XKR9: variants seen among roughly 807,000 people sequenced by gnomAD.
The protein encoded by XKR9 is XK-related protein 9.
XKR9 carries 32 observed loss-of-function variants against 32.0 expected under a neutral mutation model. The ratio of observed to expected loss-of-function variants is 1.00; its 90% confidence interval spans 0.76 to 1.34. The LOEUF is 1.34. Among genes scored for constraint, XKR9 ranks in the 40% most tolerant of loss-of-function variants. The pLI is 0.00. For synonymous variants in XKR9, 168 were observed against 143.4 expected, an observed-to-expected ratio of 1.17 and a Z score of -1.22; for missense variants, 546 against 429.7, an observed-to-expected ratio of 1.27 and a Z score of -2.39.
At chr8:70,900,727 T>G in the XKR9 span, among the ~76,000 whole-genome samples, 1 of 152,212 alleles carries the variant, frequency 6.6e-6, no homozygotes, top group South Asian at 2.1e-4. Context: ...TTGTTACATA[T>G]GTACACATGT....
the XKR9 span, among the ~76,000 whole-genome samples, chr8:70,940,846 C>T: frequency 6.6e-6 from 1 of 152,108 alleles, no homozygotes; most frequent in Non-Finnish European, 1.5e-5. Flanking sequence ...ACTTGCCTTT[C>T]AGGTCTTGGC....
rs1008161588 is a variant in XKR9 at position 70,735,830 on chromosome 8, A to C, written c.*1406A>C. The C allele has an allele frequency of 5.8e-3, 885 of 152,034 alleles. 11 individuals are homozygous for C. Among genetic ancestry groups the C allele is most frequent in the African/African-American group, 0.02 (845 of 41,444 alleles). 9.4% of individuals were successfully genotyped at this position (152,034 alleles called of 1,614,324 possible). On this transcript the variant is annotated 3_prime_UTR_variant, in exon 5 of 5. Transcript: ENST00000408926. ...ATGGCTGCATAGTATTCCATGGTGTATATGTGCCACATTTTCTTAATCCAG... is the reference window on the plus strand; with the variant it reads ...ATGGCTGCATAGTATTCCATGGTGTCTATGTGCCACATTTTCTTAATCCAG...
chr8:70,698,746 C>G (rs1341384552), intron 3 of XKR9, among the ~76,000 whole-genome samples: 5 of 152,112 alleles, frequency 3.3e-5, no homozygotes, highest in Non-Finnish European at 5.9e-5. Flanking sequence ...TCCTCGTTAA[C>G]TTTCTGTCTT....
the XKR9 span, among the ~76,000 whole-genome samples, chr8:71,030,566 T>C: frequency 6.6e-6 from 1 of 152,178 alleles, no homozygotes; most frequent in African/African-American, 2.4e-5. Flanking sequence ...GTTTGGATTC[T>C]CAGATTCTAA....
chr8:70,825,251 A>C, the XKR9 span, among the ~76,000 whole-genome samples: 1 of 152,012 alleles, frequency 6.6e-6, no homozygotes, highest in East Asian at 1.9e-4. Flanking sequence ...GATTCTTTCC[A>C]CTGGAGTTTT....
chr8:70,814,186 C>G, the XKR9 span, among the ~76,000 whole-genome samples: 22 of 151,958 alleles, frequency 1.4e-4, no homozygotes, highest in Non-Finnish European at 2.6e-4. Flanking sequence ...AGCAAACTAT[C>G]GCAAGGACAA....
the XKR9 span, among the ~76,000 whole-genome samples, chr8:70,870,262 C>T: frequency 6.6e-6 from 1 of 152,124 alleles, no homozygotes; most frequent in African/African-American, 2.4e-5. Context: ...TGAACAAATG[C>T]CACAAATGTG....
At chr8:70,797,586 T>C in the XKR9 span, among the ~76,000 whole-genome samples, 4 of 151,900 alleles carry the variant, frequency 2.6e-5, no homozygotes, top group Non-Finnish European at 5.9e-5. Flanking sequence ...TTATTTTAGG[T>C]TCAGGGGTAC....
intron 2 of XKR9, among the ~76,000 whole-genome samples, chr8:70,741,640 T>C (rs555379974): frequency 3.3e-5 from 5 of 152,306 alleles, no homozygotes; most frequent in East Asian, 1.9e-4. Context: ...CATTCATTCA[T>C]TGATGAATGG....
chr8:71,027,785 G>C, the XKR9 span, among the ~76,000 whole-genome samples: 17 of 149,910 alleles, frequency 1.1e-4, 1 homozygote, highest in East Asian at 2.6e-3. Flanking sequence ...TTGGCGGGGG[G>C]GGGGGGTCTC....
the XKR9 span, among the ~76,000 whole-genome samples, chr8:70,825,310 G>T: frequency 6.6e-6 from 1 of 152,038 alleles, no homozygotes; most frequent in Admixed American, 6.5e-5. Flanking sequence ...TGAGTGACCT[G>T]CTCAGGTATC....
intron 3 of XKR9, among the ~76,000 whole-genome samples, chr8:70,690,267 C>A (rs548185973): frequency 6.6e-6 from 1 of 152,092 alleles, no homozygotes; most frequent in Non-Finnish European, 1.5e-5. Flanking sequence ...CACCCTCCCC[C>A]TCAAGTAGAT....
At chr8:70,994,792 T>C in the XKR9 span, among the ~76,000 whole-genome samples, 1 of 152,168 alleles carries the variant, frequency 6.6e-6, no homozygotes, top group East Asian at 1.9e-4. Context: ...TGTTTTTCAT[T>C]CTGTTTTTCT....
At chr8:70,909,919 G>A in the XKR9 span, among the ~76,000 whole-genome samples, 1 of 151,720 alleles carries the variant, frequency 6.6e-6, no homozygotes, top group East Asian at 1.9e-4. Flanking sequence ...ATGTTGGCCA[G>A]GCTGTCTCAA....
At chr8:71,023,725 C>A in the XKR9 span, among the ~76,000 whole-genome samples, 8 of 152,108 alleles carry the variant, frequency 5.3e-5, no homozygotes, top group African/African-American at 1.7e-4. Context: ...TCCCAGGTGG[C>A]ACTTGCTGGT....
chr8:71,009,877 A>G, the XKR9 span, among the ~76,000 whole-genome samples: 2 of 152,226 alleles, frequency 1.3e-5, no homozygotes, highest in African/African-American at 4.8e-5. Context: ...TGCAAAAGAC[A>G]AAAGGAATAG....
the XKR9 span, among the ~76,000 whole-genome samples, chr8:71,050,234 G>GATATATAT: frequency 1.3e-3 from 122 of 95,892 alleles, 1 homozygote; most frequent in Non-Finnish European, 2.3e-3. Context: ...ATGCCTGGCA[G>GATATATAT]AGATATATAT....
intron 3 of XKR9, among the ~76,000 whole-genome samples, chr8:70,690,500 G>GTT (rs71566233): frequency 0.072 from 10,178 of 140,620 alleles, 409 homozygotes; most frequent in Non-Finnish European, 0.088. Flanking sequence ...TGCCCAGCTA[G>GTT]TTTTTTTTTT....
At chr8:70,995,223 G>T in the XKR9 span, among the ~76,000 whole-genome samples, 1 of 152,164 alleles carries the variant, frequency 6.6e-6, no homozygotes. Flanking sequence ...TGCAAAGGGG[G>T]ATTGTTCTTA....
Sources: allele counts gnomAD v4.1 joint callset (sites outside exome capture counted in the v4.1 genomes callset), GRCh38; gene constraint gnomAD v4.1.1; transcripts MANE v1.5; gene names NCBI Gene and HGNC (gene_info 2026-07-23, HGNC 2026-07-21).